Variants in C1orf141 observed in about 807,000 individuals in gnomAD.
C1orf141 encodes chromosome 1 open reading frame 141, also known as uncharacterized protein C1orf141.
C1orf141 carries 19 observed loss-of-function variants against 23.2 expected under a neutral mutation model. The observed-to-expected ratio is 0.82, with a 90% confidence interval of 0.57 to 1.20. The LOEUF (loss-of-function observed/expected upper bound fraction) is 1.20. Among genes scored for constraint, C1orf141 ranks in the 50% most tolerant of loss-of-function variants. The pLI is 0.00. For missense variants in C1orf141, 469 were observed against 455.1 expected (o/e 1.03, Z -0.28); for synonymous variants, 153 against 154.6 (o/e 0.99, Z 0.08).
Position 67,125,918 on chromosome 1 carries a change from A to G in C1orf141, c.76-9T>C, listed in dbSNP as rs1420717252. The G allele has an allele frequency of 6.6e-7, 1 of 1,520,388 alleles. No homozygotes were observed. The highest frequency in any genetic ancestry group is 1.5e-5 in the African/African-American group (1 of 66,938). The allele number at this position is 1,520,388 out of a possible 1,614,324, so 94.2% of individuals were successfully genotyped here. A position where few individuals can be genotyped will look rare whatever the true frequency, so the allele number is the denominator to read the frequency against. On this transcript the variant is annotated splice_polypyrimidine_tract_variant and intron_variant, in intron 3 of 7. Transcript: ENST00000684719. ...CTCTGAAGCCTGTTTATCTGCAGCAATGCCAAAGTGAAAAAAAAAAAAAAA... is the reference window on the plus strand; with the variant it reads ...CTCTGAAGCCTGTTTATCTGCAGCAGTGCCAAAGTGAAAAAAAAAAAAAAA...
rs761516127 is a variant in C1orf141, at chr1:67,125,843, A to C, written c.142T>G (p.Leu48Val). ...MAIPLTFDFQ[L>V]EFEEALATSA... ...GTAGCAAGAGCTTCTTCAAATTCCAACTGAAAATCAAATGTCAGGGGTATA... is the reference window on the plus strand; with the variant it reads ...GTAGCAAGAGCTTCTTCAAATTCCACCTGAAAATCAAATGTCAGGGGTATA... The change falls in exon 4 of 8, where the codon TTG becomes GTG. Residue 48 changes from leucine (L) to valine (V), a missense_variant. This residue lies in a region of C1orf141 where 95 missense variants were observed against 90.3 expected (regional missense o/e 1.05). Coordinates refer to ENST00000684719, the MANE Select transcript of C1orf141 (RefSeq NM_001276351.2). The C allele has an allele frequency of 1.8e-5, 29 of 1,613,692 alleles. No homozygotes were observed. In the African/African-American group the frequency reaches 2.8e-4, roughly 16 times the overall value.
At chr1:67,094,628 T>C (rs1399694327) in intron 7 of C1orf141, 3 of 152,226 alleles carry the variant, frequency 2.0e-5, no homozygotes, top group East Asian at 3.9e-4. Flanking sequence ...TCTGTGACAA[T>C]AGCATGGGCC....
At chr1:67,111,599 A>G in intron 5 of C1orf141, 1 of 1,366,192 alleles carries the variant, frequency 7.3e-7, no homozygotes, top group Non-Finnish European at 9.8e-7. Flanking sequence ...CTTAAGATAA[A>G]GATAGGGTCT....
In C1orf141 at chr1:67,093,018, A is replaced by G. The variant is rs1645584928; in HGVS notation, c.1190T>C (p.Leu397Ser). Residue 397 changes from leucine (L) to serine (S), a missense_variant, in exon 8 of 8, where the codon TTA (leucine) becomes TCA (serine). Around this residue, in one of 3 missense-constraint regions of C1orf141, gnomAD observed 370 missense variants for 348.1 expected, o/e 1.06. Transcript: ENST00000684719. ...ATACATAATATTTTATGAGGCATTT[A>G]AAATTTCATTTGATAAGTTTAACAA... ...DNLLNLSNEI[L>S]NAS 6.3e-7 allele frequency: 1 copy of G among 1,579,652 alleles called. No individual in the cohort carries two copies. Among genetic ancestry groups the G allele is most frequent in the Non-Finnish European group, 8.6e-7 (1 of 1,156,480 alleles).
chr1:67,121,240 C>A (rs1194557283), intron 4 of C1orf141, among the ~76,000 whole-genome samples: 1 of 152,130 alleles, frequency 6.6e-6, no homozygotes, highest in Non-Finnish European at 1.5e-5. Context: ...TTTTGCTGAA[C>A]CAAATAATAG....
chr1:67,140,606 A>T (rs947106052), intron 1 of C1orf141, among the ~76,000 whole-genome samples: 1 of 152,204 alleles, frequency 6.6e-6, no homozygotes, highest in Admixed American at 6.5e-5. Flanking sequence ...TAGGATGGGA[A>T]TTTACAGTTT....
chr1:67,097,685 G>A (rs930209272), intron 5 of C1orf141, among the ~76,000 whole-genome samples: 4 of 152,202 alleles, frequency 2.6e-5, no homozygotes, highest in Admixed American at 2.0e-4. Flanking sequence ...CACTCTGCTT[G>A]CTCAGTGATG....
chr1:67,102,959 T>A (rs1645838267), intron 5 of C1orf141, among the ~76,000 whole-genome samples: 1 of 152,136 alleles, frequency 6.6e-6, no homozygotes, highest in South Asian at 2.1e-4. Flanking sequence ...CAATCAGGAA[T>A]CCATCAGGTG....
At chr1:67,108,790 G>C (rs973491661) in intron 5 of C1orf141, among the ~76,000 whole-genome samples, 3 of 152,040 alleles carry the variant, frequency 2.0e-5, no homozygotes, top group Non-Finnish European at 4.4e-5. Context: ...CAAAGGATAT[G>C]AATAGATAAT....
intron 3 of C1orf141, among the ~76,000 whole-genome samples, chr1:67,126,410 C>A (rs935413513): frequency 6.6e-6 from 1 of 152,112 alleles, no homozygotes; most frequent in African/African-American, 2.4e-5. Flanking sequence ...AAGGATCTAG[C>A]TAAAAGGTGA....
At chr1:67,101,936 G>A (rs1285347713) in intron 5 of C1orf141, among the ~76,000 whole-genome samples, 1 of 152,098 alleles carries the variant, frequency 6.6e-6, no homozygotes, top group Non-Finnish European at 1.5e-5. Flanking sequence ...GGATAATGTA[G>A]TAAACAGAGG....
rs752722374 is a variant in C1orf141 at position 67,093,572 on chromosome 1, A to G, written c.636T>C (p.His212=). 3.2e-6 allele frequency: 5 copies of G among 1,574,198 alleles called. No homozygotes were observed. The East Asian group carries it at 1.1e-4, about 36-fold the overall frequency. Residue 212 remains histidine, a synonymous_variant, in exon 8 of 8, where the codon CAT becomes CAC. Transcript: ENST00000684719. Reference sequence around the variant, plus strand: ...GTAACATTCGTACATATTCTGTGTCATGGAAAATTATGGGATTTGTGTCCT... The same window carrying G: ...GTAACATTCGTACATATTCTGTGTCGTGGAAAATTATGGGATTTGTGTCCT... The part of the protein sequence containing the change: ...EQKDTNPIIF[H]DTEYVRMLLL...
In C1orf141 at chr1:67,100,642, T is replaced by C. The variant is rs561707607; in HGVS notation, c.347-4321A>G. Among the ~76,000 whole-genome samples the C allele has an allele frequency of 3.9e-5, 6 of 152,282 alleles. No homozygotes were observed. In the East Asian group the frequency reaches 1.2e-3, roughly 29 times the overall value. On this transcript the variant is annotated intron_variant, in intron 5 of 7. Coordinates refer to ENST00000684719, the MANE Select transcript of C1orf141 (RefSeq NM_001276351.2). ...TATGACCTCTCTTTGCTAAGGAATTTTTTCATAGGTCCCATGATTTGTTCT... is the reference window on the plus strand; with the variant it reads ...TATGACCTCTCTTTGCTAAGGAATTCTTTCATAGGTCCCATGATTTGTTCT...
At chr1:67,106,712 A>G (rs1320552464) in intron 5 of C1orf141, among the ~76,000 whole-genome samples, 1 of 152,176 alleles carries the variant, frequency 6.6e-6, no homozygotes, top group Non-Finnish European at 1.5e-5. Context: ...GCTTCATGAA[A>G]AAAGTAAAAT....
At chr1:67,107,282 G>A (rs2102445006) in intron 5 of C1orf141, among the ~76,000 whole-genome samples, 2 of 152,080 alleles carry the variant, frequency 1.3e-5, no homozygotes, top group Non-Finnish European at 2.9e-5. Context: ...GTGAAATTTT[G>A]ATAAATATTC....
intron 4 of C1orf141, among the ~76,000 whole-genome samples, chr1:67,117,235 C>T (rs1363226006): frequency 6.6e-6 from 1 of 152,096 alleles, no homozygotes; most frequent in African/African-American, 2.4e-5. Context: ...CCAGCCTGGC[C>T]AACATGGCGA....
At chr1:67,124,959 C>T (rs1646375833) in intron 4 of C1orf141, among the ~76,000 whole-genome samples, 1 of 152,206 alleles carries the variant, frequency 6.6e-6, no homozygotes, top group Admixed American at 6.5e-5. Context: ...ACTGATTCCA[C>T]ATCTTTGTAC....
At chr1:67,103,354 A>C in intron 5 of C1orf141, 1 of 1,441,432 alleles carries the variant, frequency 6.9e-7, no homozygotes, top group Non-Finnish European at 9.3e-7. Flanking sequence ...CTGTGAATAT[A>C]GAACATTCAA....
chr1:67,133,658 T>C (rs187388675), intron 1 of C1orf141, among the ~76,000 whole-genome samples: 1 of 152,220 alleles, frequency 6.6e-6, no homozygotes, highest in East Asian at 1.9e-4. Flanking sequence ...AATGGGGTTG[T>C]TAGGGTAGGC....
Sources: gnomAD v4.1 joint callset for allele counts (sites outside exome capture counted in the v4.1 genomes callset) on GRCh38, gnomAD v4.1.1 for gene constraint, gnomAD v4.1.1 regional missense constraint, MANE v1.5 for transcripts, NCBI Gene and HGNC (gene_info 2026-07-23, HGNC 2026-07-21) for gene names.